Variants in SUSD3 observed in about 807,000 individuals in gnomAD.
SUSD3 encodes sushi domain containing 3, also known as sushi domain-containing protein 3.
SUSD3 carries 18 observed loss-of-function variants against 20.6 expected under a neutral mutation model. The observed-to-expected ratio is 0.87, with a 90% confidence interval of 0.60 to 1.30. The LOEUF (loss-of-function observed/expected upper bound fraction) is 1.30. SUSD3 is among the 50% of genes most tolerant of loss of function. The probability of loss-of-function intolerance (pLI) is 0.00; values close to 1 mark genes in which losing one functional copy is unlikely to be tolerated. For missense variants in SUSD3, 306 were observed against 346.9 expected, an observed-to-expected ratio of 0.88 and a Z score of 0.94; for synonymous variants, 137 against 141.5, an observed-to-expected ratio of 0.97 and a Z score of 0.23.
intron 1 of SUSD3, among the ~76,000 whole-genome samples, chr9:93,061,036 A>G (rs1825484872): frequency 6.6e-6 from 1 of 152,054 alleles, no homozygotes; most frequent in Non-Finnish European, 1.5e-5. Flanking sequence ...GGCGCGGGGG[A>G]GACTAGCTCA....
rs370406555 is a variant in SUSD3 at position 93,078,065 on chromosome 9, G to C, written c.425+72G>C. 3.6e-4 allele frequency: 574 copies of C among 1,603,198 alleles called. 1 individual carries two copies. The Middle Eastern group carries it at 5.0e-3, about 14-fold the overall frequency. On this transcript the variant is annotated intron_variant, in intron 3 of 4. Transcript: ENST00000375472. ...GGCACCATGGGAGGAGGAAAGGACA[G>C]AGTGTTTCAAGGGAACCCCGGCACT...
chr9:93,074,005 C>G (rs976666250), intron 1 of SUSD3, among the ~76,000 whole-genome samples: 6 of 152,160 alleles, frequency 3.9e-5, no homozygotes, highest in African/African-American at 1.4e-4. Context: ...CCTGGGTAGG[C>G]TGCTATGCCG....
At position 93,065,808 on chromosome 9, in the gene SUSD3, C is replaced by G. The variant is rs145440129; in HGVS notation, c.88+6978C>G. On this transcript the variant is annotated intron_variant, in intron 1 of 4. Coordinates refer to ENST00000375472, the MANE Select transcript of SUSD3 (RefSeq NM_145006.4). ...CCATTCCTTTGTTCTTGCATTCATT[C>G]ATTCACTCATTCCTGCACTGATGTC... 1.5e-4 allele frequency among the ~76,000 whole-genome samples: 23 copies of G among 152,352 alleles called. No homozygotes were observed. The East Asian group carries it at 4.4e-3, about 29-fold the overall frequency.
chr9:93,064,952 T>A (rs1825650925), intron 1 of SUSD3, among the ~76,000 whole-genome samples: 2 of 152,186 alleles, frequency 1.3e-5, no homozygotes, highest in Admixed American at 6.5e-5. Flanking sequence ...ATCCGTCTTG[T>A]TTGAGAGAAA....
At chr9:93,060,658 C>T (rs1825467707) in intron 1 of SUSD3, among the ~76,000 whole-genome samples, 1 of 151,884 alleles carries the variant, frequency 6.6e-6, no homozygotes. Context: ...TAGCAAGACC[C>T]CGTATCTACA....
intron 4 of SUSD3, among the ~76,000 whole-genome samples, chr9:93,083,017 G>A (rs549677979): frequency 3.9e-5 from 6 of 152,296 alleles, no homozygotes; most frequent in South Asian, 2.1e-4. Flanking sequence ...TGTGCGTCCC[G>A]TCCAAGAGTG....
intron 1 of SUSD3, among the ~76,000 whole-genome samples, chr9:93,073,487 A>T (rs1825994870): frequency 6.6e-6 from 1 of 151,904 alleles, no homozygotes; most frequent in Non-Finnish European, 1.5e-5. Flanking sequence ...TGCCCTCGTG[A>T]TCCGCCCGCC....
intron 4 of SUSD3, among the ~76,000 whole-genome samples, chr9:93,084,063 G>A (rs1826537902): frequency 6.6e-6 from 1 of 152,130 alleles, no homozygotes; most frequent in African/African-American, 2.4e-5. Context: ...AGAGCCACAA[G>A]AGTACTGAGG....
rs920836865 is a variant in SUSD3, at chr9:93,084,849, C to T, written c.*102C>T. ...ACATCAACTCCACATGCGCCCAGCT[C>T]GAGACTGATGAGTGGAATCAGCTTC... On this transcript the variant is annotated 3_prime_UTR_variant, in exon 5 of 5. Transcript: ENST00000375472. The T allele has an allele frequency of 6.3e-5, 69 of 1,095,492 alleles. No homozygotes were observed. Among genetic ancestry groups the T allele is most frequent in the South Asian group, 3.1e-4 (17 of 54,902 alleles). 67.9% of individuals were successfully genotyped at this position (1,095,492 alleles called of 1,614,324 possible).
chr9:93,065,887 CA>C, intron 1 of SUSD3, among the ~76,000 whole-genome samples: 1 of 152,356 alleles, frequency 6.6e-6, no homozygotes, highest in East Asian at 1.9e-4. Context: ...AGACAGAATT[CA>C]AGTCCTAGCT....
rs575509885 is a variant in SUSD3 at position 93,079,602 on chromosome 9, C to T, written c.557C>T (p.Thr186Ile). 40 of 1,613,636 alleles carry T rather than the reference C, an allele frequency of 2.5e-5. No individual in the cohort carries two copies. The highest frequency in any genetic ancestry group is 1.9e-4 in the South Asian group (17 of 91,066). Residue 186 changes from threonine to isoleucine, a missense_variant and splice_region_variant, in exon 4 of 5, where the codon ACA becomes ATA. Thr to Ile is a moderately conservative substitution (Grantham distance 89). Coordinates refer to ENST00000375472, the MANE Select transcript of SUSD3 (RefSeq NM_145006.4). ...GCGCACGACAACCACAGCTTCACCA[C>T]GTGAGCCCGGGTCTGGGTAGGGGAC... ...SQAHDNHSFT[T>I]DHGESTSKLA...
At chr9:93,061,785 G>A (rs1259667063) in intron 1 of SUSD3, among the ~76,000 whole-genome samples, 1 of 152,190 alleles carries the variant, frequency 6.6e-6, no homozygotes, top group Non-Finnish European at 1.5e-5. Context: ...GAAGGTTCCT[G>A]TTTCACATTT....
chr9:93,071,759 AGGGCAGGTT>A (rs1564189277), intron 1 of SUSD3, among the ~76,000 whole-genome samples: 1 of 152,130 alleles, frequency 6.6e-6, no homozygotes, highest in African/African-American at 2.4e-5. Context: ...TGCTCCCTGG[AGGGCAGGTT>A]GGGAAATGTA....
At position 93,058,725 on chromosome 9, in the gene SUSD3, C is replaced by T. The variant is rs1403916134; in HGVS notation, c.-18C>T. On this transcript the variant is annotated 5_prime_UTR_variant, in exon 1 of 5. Transcript: ENST00000375472. ...CACTCCCCTGGCAGACCCCGCCAAG[C>T]GCCTCGGAGCGCGCAGGATGCGCTG... The T allele has an allele frequency of 3.3e-6, 4 of 1,228,874 alleles. No individual in the cohort carries two copies. In the Admixed American group the frequency reaches 1.7e-4, roughly 52 times the overall value. The allele number at this position is 1,228,874 out of a possible 1,614,324, so 76.1% of individuals were successfully genotyped here. A position where few individuals can be genotyped will look rare whatever the true frequency, so the allele number is the denominator to read the frequency against.
Position 93,058,709 on chromosome 9 carries a change from G to A in SUSD3, c.-34G>A, listed in dbSNP as rs1825376931. 8 of 1,213,718 alleles carry A rather than the reference G, an allele frequency of 6.6e-6. No individual in the cohort carries two copies. The highest frequency in any genetic ancestry group is 3.2e-4 in the Middle Eastern group (1 of 3,150). 75.2% of individuals were successfully genotyped at this position (1,213,718 alleles called of 1,614,324 possible). A position where few individuals can be genotyped will look rare whatever the true frequency, so the allele number is the denominator to read the frequency against. On this transcript the variant is annotated 5_prime_UTR_variant, in exon 1 of 5. Transcript: ENST00000375472. ...CCCCACAAGCCGGGCTCACTCCCCTGGCAGACCCCGCCAAGCGCCTCGGAG... is the reference window on the plus strand; with the variant it reads ...CCCCACAAGCCGGGCTCACTCCCCTAGCAGACCCCGCCAAGCGCCTCGGAG...
At chr9:93,065,167 C>T (rs1825659387) in intron 1 of SUSD3, among the ~76,000 whole-genome samples, 1 of 152,138 alleles carries the variant, frequency 6.6e-6, no homozygotes, top group Non-Finnish European at 1.5e-5. Context: ...CAAGGTCTTC[C>T]GCCAGCATTT....
chr9:93,071,654 C>T (rs1231348163), intron 1 of SUSD3, among the ~76,000 whole-genome samples: 2 of 152,192 alleles, frequency 1.3e-5, no homozygotes, highest in Non-Finnish European at 2.9e-5. Context: ...TCAATTCAAT[C>T]AAGTTGACAC....
In SUSD3 at chr9:93,075,781, C is replaced by A. The variant is rs928494955; in HGVS notation, c.89-3C>A. 6.5e-7 allele frequency: 1 copy of A among 1,545,154 alleles called. No homozygotes were observed. Among genetic ancestry groups the A allele is most frequent in the Non-Finnish European group, 8.8e-7 (1 of 1,138,556 alleles). On this transcript the variant is annotated splice_region_variant and splice_polypyrimidine_tract_variant and intron_variant, in intron 1 of 4. Transcript: ENST00000375472. Reference sequence around the variant, plus strand: ...CATGCCTCATACCTGCCTGTCTCCCCAGGCACGTGCGCTAAGCTGCGGCTA... The same window carrying A: ...CATGCCTCATACCTGCCTGTCTCCCAAGGCACGTGCGCTAAGCTGCGGCTA...
intron 1 of SUSD3, among the ~76,000 whole-genome samples, chr9:93,059,342 A>G (rs1587890098): frequency 6.6e-6 from 1 of 151,690 alleles, no homozygotes; most frequent in African/African-American, 2.4e-5. Context: ...TGGCTGTCCG[A>G]GGTCACCCTG....
Sources: gnomAD v4.1 joint callset for allele counts (sites outside exome capture counted in the v4.1 genomes callset) on GRCh38, gnomAD v4.1.1 for gene constraint, MANE v1.5 for transcripts, NCBI Gene and HGNC (gene_info 2026-07-23, HGNC 2026-07-21) for gene names.